Variants in DGKB observed in about 807,000 individuals in gnomAD.
DGKB encodes diacylglycerol kinase beta.
Under a neutral mutation model 114.3 loss-of-function variants are expected in DGKB, and 67 were observed. The observed-to-expected ratio is 0.59, with a 90% CI of 0.48 to 0.72. The LOEUF (loss-of-function observed/expected upper bound fraction) is 0.72. DGKB is among the 30% of genes least tolerant of loss of function. DGKB has a pLI of 0.00. For missense variants in DGKB, 907 were observed against 975.2 expected, an observed-to-expected ratio of 0.93 and a Z score of 0.93; for synonymous variants, 398 against 323.1, an observed-to-expected ratio of 1.23 and a Z score of -2.49.
intron 2 of DGKB, among the ~76,000 whole-genome samples, chr7:14,830,092 G>A (rs942912032): frequency 6.6e-6 from 1 of 151,948 alleles, no homozygotes. Flanking sequence ...GAGGAGAGTG[G>A]AAAGTAAAAT....
Position 14,729,162 on chromosome 7 carries a change from G to A in DGKB, c.322+6879C>T, listed in dbSNP as rs564978811. Among the ~76,000 whole-genome samples the A allele has an allele frequency of 1.3e-3, 155 of 117,244 alleles. 1 individual carries two copies. Among genetic ancestry groups the A allele is most frequent in the African/African-American group, 4.5e-3 (130 of 28,834 alleles). 76.9% of individuals were successfully genotyped at this position (117,244 alleles called of 152,430 possible). The stretch of plus-strand genomic sequence containing the variant: ...TTTTTTGATGGAGTCTCACTCTGTT[G>A]CCCAGGCTGGAGTGCAGTGGCGCCA... On this transcript the variant is annotated intron_variant, in intron 5 of 25. Transcript: ENST00000402815.
chr7:14,647,830 G>C (rs1277629858), intron 13 of DGKB, among the ~76,000 whole-genome samples: 1 of 152,334 alleles, frequency 6.6e-6, no homozygotes, highest in Non-Finnish European at 1.5e-5. Flanking sequence ...TGCCTCACTT[G>C]GGAAGCGCAA....
chr7:14,523,215 A>G (rs555797874), intron 20 of DGKB, among the ~76,000 whole-genome samples: 11 of 152,274 alleles, frequency 7.2e-5, no homozygotes, highest in African/African-American at 2.6e-4. Flanking sequence ...AAAAGTGAAA[A>G]CTTTTCTCGG....
chr7:14,621,067 G>C (rs886804224), intron 15 of DGKB: 1 of 209,650 alleles, frequency 4.8e-6, no homozygotes, highest in African/African-American at 2.4e-5. Context: ...AAGTATACCT[G>C]TAAATAAATA....
chr7:14,818,536 A>G (rs1163385886), intron 2 of DGKB, among the ~76,000 whole-genome samples: 1 of 152,182 alleles, frequency 6.6e-6, no homozygotes, highest in Non-Finnish European at 1.5e-5. Flanking sequence ...TTGCCACAGT[A>G]TCCAAAAATT....
At chr7:14,275,607 G>C (rs979463835) in intron 23 of DGKB, among the ~76,000 whole-genome samples, 4 of 152,118 alleles carry the variant, frequency 2.6e-5, no homozygotes, top group African/African-American at 7.2e-5. Flanking sequence ...GTCTCTGCTC[G>C]CTAGAAAGGC....
At chr7:14,426,807 C>T (rs932273419) in intron 21 of DGKB, among the ~76,000 whole-genome samples, 13 of 151,984 alleles carry the variant, frequency 8.6e-5, no homozygotes, top group Non-Finnish European at 1.0e-4. Flanking sequence ...GTAATCCAAG[C>T]ACTTTGGGAG....
chr7:14,938,529 C>T (rs997898108), intron 1 of DGKB, among the ~76,000 whole-genome samples: 1 of 152,104 alleles, frequency 6.6e-6, no homozygotes. Context: ...CTGTAAGACA[C>T]ATTTGTCTGG....
chr7:14,733,766 AAAGAAAGAAAGG>A lies in DGKB; in HGVS notation c.322+2263_322+2274del, dbSNP rs1422751263. On this transcript the variant is annotated intron_variant, in intron 5 of 25. Coordinates refer to ENST00000402815, the MANE Select transcript of DGKB (RefSeq NM_001350709.2). ...AGAAATAAAGAAGAAAGAAAGAAAG[AAAGAAAGAAAGG>A]AAGAAAGAAAGAAGGGAGAGAGGGA... 4.1e-4 allele frequency among the ~76,000 whole-genome samples: 36 copies of A among 87,578 alleles called. No homozygotes were observed. The East Asian group carries it at 4.7e-3, about 11-fold the overall frequency. 57.5% of individuals were successfully genotyped at this position (87,578 alleles called of 152,430 possible). A position where few individuals can be genotyped will look rare whatever the true frequency, so the allele number is the denominator to read the frequency against.
intron 1 of DGKB, among the ~76,000 whole-genome samples, chr7:14,934,501 T>G (rs1031490480): frequency 6.6e-6 from 1 of 152,094 alleles, no homozygotes; most frequent in Non-Finnish European, 1.5e-5. Flanking sequence ...TTTTAATCAT[T>G]TTAGGGTTAA....
At chr7:14,558,655 T>C (rs1048271382) in intron 20 of DGKB, among the ~76,000 whole-genome samples, 1 of 152,164 alleles carries the variant, frequency 6.6e-6, no homozygotes, top group African/African-American at 2.4e-5. Context: ...CTTGGTATCT[T>C]TTGAAAATCC....
At chr7:14,401,440 T>A (rs1031502511) in intron 21 of DGKB, among the ~76,000 whole-genome samples, 7 of 151,912 alleles carry the variant, frequency 4.6e-5, no homozygotes, top group Non-Finnish European at 7.4e-5. Flanking sequence ...CTGCTTGGCA[T>A]GCATTAAGTT....
chr7:14,657,622 G>A (rs1353391032), intron 13 of DGKB, among the ~76,000 whole-genome samples: 1 of 151,782 alleles, frequency 6.6e-6, no homozygotes, highest in African/African-American at 2.4e-5. Flanking sequence ...AAAGAAGGGT[G>A]AAACAGCCAT....
intron 6 of DGKB, among the ~76,000 whole-genome samples, chr7:14,711,658 C>T (rs1827367647): frequency 1.3e-5 from 2 of 152,038 alleles, no homozygotes; most frequent in South Asian, 2.1e-4. Flanking sequence ...TGTAAGCTGG[C>T]AGAGGAGAAG....
At chr7:14,566,501 T>C (rs1386279210) in intron 20 of DGKB, among the ~76,000 whole-genome samples, 1 of 152,166 alleles carries the variant, frequency 6.6e-6, no homozygotes, top group Non-Finnish European at 1.5e-5. Context: ...TTTATGACAA[T>C]TGTTTTATTT....
rs926005266 is a variant in DGKB, at chr7:14,696,494, T to G, written c.591+1601A>C. ...TCCGGCCTGGGCGACAGAGCGAGAC[T>G]CCGTCTCAAAAAAAAAAAAAAAAAA... is the stretch of plus-strand genomic sequence containing the variant. On this transcript the variant is annotated intron_variant, in intron 8 of 25. Coordinates refer to ENST00000402815, the MANE Select transcript of DGKB (RefSeq NM_001350709.2). Among the ~76,000 whole-genome samples, 15 of 90,894 alleles carry G rather than the reference T, an allele frequency of 1.7e-4. No homozygotes were observed. The South Asian group carries it at 6.8e-3, about 41-fold the overall frequency. 59.6% of individuals were successfully genotyped at this position (90,894 alleles called of 152,430 possible). A position where few individuals can be genotyped will look rare whatever the true frequency, so the allele number is the denominator to read the frequency against.
intron 21 of DGKB, among the ~76,000 whole-genome samples, chr7:14,446,121 T>C (rs571868074): frequency 1.3e-5 from 2 of 152,234 alleles, no homozygotes; most frequent in South Asian, 4.1e-4. Flanking sequence ...GTTTAGTCAA[T>C]GTATTAGGTA....
chr7:14,800,302 G>A (rs1841986532), intron 2 of DGKB, among the ~76,000 whole-genome samples: 1 of 152,198 alleles, frequency 6.6e-6, no homozygotes, highest in African/African-American at 2.4e-5. Flanking sequence ...TTGGATTGAA[G>A]GGTACAAAGT....
chr7:14,433,451 G>C (rs1464718110), intron 21 of DGKB, among the ~76,000 whole-genome samples: 2 of 152,012 alleles, frequency 1.3e-5, no homozygotes, highest in Admixed American at 1.3e-4. Context: ...TTACTTGCTA[G>C]CTGTGTTACT....
Sources: allele counts gnomAD v4.1 joint callset (sites outside exome capture counted in the v4.1 genomes callset), GRCh38; gene constraint gnomAD v4.1.1; transcripts MANE v1.5; gene names NCBI Gene and HGNC (gene_info 2026-07-23, HGNC 2026-07-21).